Variants in KHDRBS2 observed in about 807,000 individuals in gnomAD.
KHDRBS2 encodes KH RNA binding domain containing, signal transduction associated 2.
KHDRBS2 carries 26 observed loss-of-function variants against 44.3 expected under a neutral mutation model. The observed-to-expected ratio is 0.59, with a 90% CI of 0.43 to 0.81. The LOEUF (loss-of-function observed/expected upper bound fraction) is 0.81. KHDRBS2 is among the 40% of genes least tolerant of loss of function. The probability of loss-of-function intolerance (pLI) is 0.00; values close to 1 mark genes in which losing one functional copy is unlikely to be tolerated. For missense variants in KHDRBS2, 476 were observed against 433.1 expected (o/e 1.10, Z -0.88); for synonymous variants, 194 against 151.1 (o/e 1.28, Z -2.08).
At chr6:61,659,334 T>C in the KHDRBS2 span, among the ~76,000 whole-genome samples, 1 of 151,722 alleles carries the variant, frequency 6.6e-6, no homozygotes, top group Non-Finnish European at 1.5e-5. Context: ...CAAGTACTCC[T>C]AGAGACAGCT....
At chr6:62,177,894 T>C (rs191132910) in intron 1 of KHDRBS2, among the ~76,000 whole-genome samples, 8 of 151,528 alleles carry the variant, frequency 5.3e-5, no homozygotes, top group Admixed American at 4.0e-4. Flanking sequence ...TATATAGGTG[T>C]TTAAGAAAAA....
intron 5 of KHDRBS2, among the ~76,000 whole-genome samples, chr6:61,897,186 T>C (rs1803073383): frequency 6.6e-6 from 1 of 152,098 alleles, no homozygotes. Context: ...CTTTTGAAAA[T>C]TCCAAATTCC....
the KHDRBS2 span, among the ~76,000 whole-genome samples, chr6:61,633,954 A>T: frequency 6.6e-6 from 1 of 152,022 alleles, no homozygotes; most frequent in Non-Finnish European, 1.5e-5. Flanking sequence ...TTAATACTGT[A>T]ATTAATATTA....
chr6:61,811,323 T>C (rs1292526447), intron 6 of KHDRBS2, among the ~76,000 whole-genome samples: 1 of 152,196 alleles, frequency 6.6e-6, no homozygotes, highest in East Asian at 1.9e-4. Context: ...GATGTATATG[T>C]ACCACATTTA....
intron 6 of KHDRBS2, among the ~76,000 whole-genome samples, chr6:61,890,084 C>T (rs1453068944): frequency 6.6e-6 from 1 of 152,132 alleles, no homozygotes; most frequent in Non-Finnish European, 1.5e-5. Context: ...CATTTGTTTA[C>T]ATATGTTTAT....
rs201610192 is a variant in KHDRBS2 at position 61,909,070 on chromosome 6, A to ATTTT, written c.484-7703_484-7700dup. Among the ~76,000 whole-genome samples the ATTTT allele has an allele frequency of 9.4e-4, 136 of 145,404 alleles. 1 individual carries two copies. Among genetic ancestry groups the ATTTT allele is most frequent in the African/African-American group, 3.0e-3 (119 of 39,778 alleles). ...AATAGCACATGCGTATCATATATAG[A>ATTTT]TTTTTTTTTTTTTTGAGATGGGGTC... On this transcript the variant is annotated intron_variant, in intron 4 of 8. Coordinates refer to ENST00000281156, the MANE Select transcript of KHDRBS2 (RefSeq NM_152688.4).
intron 4 of KHDRBS2, among the ~76,000 whole-genome samples, chr6:61,970,027 C>T (rs1005957224): frequency 5.3e-5 from 8 of 151,924 alleles, no homozygotes; most frequent in African/African-American, 1.9e-4. Flanking sequence ...GAATGAAAGA[C>T]ATCTGAGAAA....
the KHDRBS2 span, among the ~76,000 whole-genome samples, chr6:61,596,124 G>T: frequency 6.6e-6 from 1 of 152,128 alleles, no homozygotes; most frequent in South Asian, 2.1e-4. Context: ...CACCTGTCCA[G>T]ATCTGAGAAT....
intron 2 of KHDRBS2, among the ~76,000 whole-genome samples, chr6:62,060,442 T>C (rs187133057): frequency 3.2e-4 from 49 of 151,918 alleles, no homozygotes; most frequent in Admixed American, 2.6e-3. Flanking sequence ...GCAAAGGCTA[T>C]AGATGGGAGT....
At chr6:61,692,276 T>C (rs1459170751) in intron 8 of KHDRBS2, among the ~76,000 whole-genome samples, 2 of 152,082 alleles carry the variant, frequency 1.3e-5, no homozygotes, top group African/African-American at 4.8e-5. Flanking sequence ...AAGTCAAATA[T>C]TCATGCTCCA....
intron 7 of KHDRBS2, among the ~76,000 whole-genome samples, chr6:61,724,104 T>C (rs1243154137): frequency 6.6e-6 from 1 of 152,160 alleles, no homozygotes; most frequent in Admixed American, 6.5e-5. Context: ...CCTATCAGAC[T>C]AGTGGAGAAC....
intron 2 of KHDRBS2, among the ~76,000 whole-genome samples, chr6:62,144,421 A>G (rs1255926402): frequency 6.6e-6 from 1 of 151,982 alleles, no homozygotes; most frequent in East Asian, 1.9e-4. Flanking sequence ...TTAGTCCTTC[A>G]TAACTCTTCC....
chr6:62,234,215 C>T (rs1276228460), intron 1 of KHDRBS2, among the ~76,000 whole-genome samples: 1 of 152,092 alleles, frequency 6.6e-6, no homozygotes. Context: ...CAAACTAGCA[C>T]CTACGGTTGA....
intron 3 of KHDRBS2, among the ~76,000 whole-genome samples, chr6:61,992,329 A>G (rs1562598066): frequency 6.6e-6 from 1 of 152,106 alleles, no homozygotes; most frequent in African/African-American, 2.4e-5. Context: ...ATAAGAAAAT[A>G]CTCACGTTTC....
rs545315020 is a variant in KHDRBS2 at position 62,152,106 on chromosome 6, G to C, written c.219+25079C>G. Among the ~76,000 whole-genome samples the C allele has an allele frequency of 4.6e-5, 7 of 152,234 alleles. 1 individual carries two copies. In the East Asian group the frequency reaches 1.4e-3, roughly 30 times the overall value. On this transcript the variant is annotated intron_variant, in intron 2 of 8. Transcript: ENST00000281156. ...AGTCCGAGGCGGGAGGATCACCTGA[G>C]GTTGGGAGTTCGAGACCAGTCTGAA...
intron 2 of KHDRBS2, among the ~76,000 whole-genome samples, chr6:62,173,482 A>C (rs1305090711): frequency 1.3e-5 from 2 of 152,054 alleles, no homozygotes; most frequent in Non-Finnish European, 2.9e-5. Context: ...GACCAGTTGG[A>C]TTCACATCCA....
At chr6:62,107,984 A>G (rs1476940662) in intron 2 of KHDRBS2, among the ~76,000 whole-genome samples, 4 of 152,182 alleles carry the variant, frequency 2.6e-5, no homozygotes, top group Non-Finnish European at 5.9e-5. Flanking sequence ...CTAAAACCAT[A>G]AAAACCCTAG....
At chr6:62,239,489 C>A (rs1007997376) in intron 1 of KHDRBS2, among the ~76,000 whole-genome samples, 4 of 151,972 alleles carry the variant, frequency 2.6e-5, no homozygotes, top group Non-Finnish European at 5.9e-5. Flanking sequence ...AGAAGAATCG[C>A]CTGAACCCTG....
intron 4 of KHDRBS2, among the ~76,000 whole-genome samples, chr6:61,925,167 A>G (rs1360927299): frequency 1.3e-5 from 2 of 152,192 alleles, no homozygotes; most frequent in African/African-American, 4.8e-5. Flanking sequence ...AACAAAAGGT[A>G]GAAGAGTTAA....
Sources: gnomAD v4.1 joint callset for allele counts (sites outside exome capture counted in the v4.1 genomes callset) on GRCh38, gnomAD v4.1.1 for gene constraint, MANE v1.5 for transcripts, NCBI Gene and HGNC (gene_info 2026-07-23, HGNC 2026-07-21) for gene names.